Variants in TMTC2 observed in about 807,000 individuals in gnomAD.
TMTC2 encodes protein O-mannosyl-transferase TMTC2.
Under a neutral mutation model 82.4 loss-of-function variants are expected in TMTC2, and 43 were observed. The ratio of observed to expected loss-of-function variants is 0.52; its 90% CI spans 0.41 to 0.67. The LOEUF (loss-of-function observed/expected upper bound fraction) is 0.67, where lower values mean the gene tolerates loss of function less well. Ranked by LOEUF, TMTC2 falls within the 30% of genes least tolerant of loss-of-function variation. The pLI is 0.00. For missense variants in TMTC2, 919 were observed against 1,012.4 expected (o/e 0.91, Z 1.25); for synonymous variants, 408 against 381.9 (o/e 1.07, Z -0.80).
chr12:82,743,233 G>A (rs979702754), intron 1 of TMTC2, among the ~76,000 whole-genome samples: 1 of 152,122 alleles, frequency 6.6e-6, no homozygotes, highest in Non-Finnish European at 1.5e-5. Context: ...ACGAGGTCAG[G>A]AGTTCAAGAC....
chr12:83,076,032 G>A (rs893153915), intron 11 of TMTC2, among the ~76,000 whole-genome samples: 12 of 152,202 alleles, frequency 7.9e-5, no homozygotes, highest in Non-Finnish European at 1.5e-5. Context: ...GACAAGGATA[G>A]TGAATACAAC....
chr12:82,842,706 T>C (rs1870407563), intron 1 of TMTC2, among the ~76,000 whole-genome samples: 1 of 152,178 alleles, frequency 6.6e-6, no homozygotes, highest in African/African-American at 2.4e-5. Context: ...GATCATGGTG[T>C]CAGCAGGTTT....
At chr12:82,983,513 GAAAT>G (rs1879020417) in intron 7 of TMTC2, among the ~76,000 whole-genome samples, 2 of 151,898 alleles carry the variant, frequency 1.3e-5, no homozygotes, top group Non-Finnish European at 2.9e-5. Context: ...TATACTTTCT[GAAAT>G]AAATTTTAAA....
chr12:82,779,137 A>G (rs1877762537), intron 1 of TMTC2, among the ~76,000 whole-genome samples: 1 of 151,968 alleles, frequency 6.6e-6, no homozygotes, highest in Non-Finnish European at 1.5e-5. Flanking sequence ...CAGACAGAGC[A>G]TAATATATGC....
At chr12:82,929,139 A>T (rs1345034761) in intron 3 of TMTC2, among the ~76,000 whole-genome samples, 1 of 151,954 alleles carries the variant, frequency 6.6e-6, no homozygotes, top group African/African-American at 2.4e-5. Context: ...CGGTGGCGTG[A>T]TCATGGCTCA....
intron 1 of TMTC2, among the ~76,000 whole-genome samples, chr12:82,720,961 T>G (rs1874180557): frequency 6.6e-6 from 1 of 152,222 alleles, no homozygotes; most frequent in Non-Finnish European, 1.5e-5. Context: ...ATGTCACAGA[T>G]GTTTCTCACC....
chr12:82,765,902 T>C (rs7303114), intron 1 of TMTC2, among the ~76,000 whole-genome samples: 5,049 of 152,226 alleles, frequency 0.033, 270 homozygotes, highest in African/African-American at 0.11. Context: ...AGAGTTTTCA[T>C]TGGAAACACT....
intron 4 of TMTC2, among the ~76,000 whole-genome samples, chr12:82,937,740 G>GGA (rs768544657): frequency 0.48 from 38,327 of 80,312 alleles, 7,235 homozygotes; most frequent in South Asian, 0.67. Flanking sequence ...ATGTGTGTGT[G>GGA]TGTGTGTGTG....
intron 2 of TMTC2, among the ~76,000 whole-genome samples, chr12:82,887,038 T>C (rs542877682): frequency 4.2e-4 from 64 of 152,306 alleles, no homozygotes; most frequent in African/African-American, 1.5e-3. Flanking sequence ...CTTTTCTCTG[T>C]CTTATAACTT....
At chr12:82,903,533 T>A (rs1874135634) in intron 3 of TMTC2, among the ~76,000 whole-genome samples, 1 of 152,114 alleles carries the variant, frequency 6.6e-6, no homozygotes. Context: ...TGCCTCAGCC[T>A]CCCGAGTAGC....
At chr12:82,828,229 T>G (rs536370273) in intron 1 of TMTC2, among the ~76,000 whole-genome samples, 1 of 149,310 alleles carries the variant, frequency 6.7e-6, no homozygotes, top group East Asian at 1.9e-4. Context: ...TTTTTTTTTT[T>G]TTCTGAGGCA....
chr12:82,839,008 A>T (rs1870197390), intron 1 of TMTC2, among the ~76,000 whole-genome samples: 1 of 152,118 alleles, frequency 6.6e-6, no homozygotes, highest in Non-Finnish European at 1.5e-5. Context: ...AAGAAAGGTG[A>T]TTCTGTTACT....
At chr12:82,823,621 A>G (rs1869238641) in intron 1 of TMTC2, among the ~76,000 whole-genome samples, 1 of 152,244 alleles carries the variant, frequency 6.6e-6, no homozygotes, top group East Asian at 1.9e-4. Flanking sequence ...GTAAAAATCT[A>G]CAGTTAGGGA....
intron 9 of TMTC2, among the ~76,000 whole-genome samples, chr12:83,031,929 T>G (rs1307848104): frequency 6.6e-6 from 1 of 152,178 alleles, no homozygotes; most frequent in Non-Finnish European, 1.5e-5. Context: ...AACTCCTGAT[T>G]TTGTTTCACA....
intron 3 of TMTC2, among the ~76,000 whole-genome samples, chr12:82,901,477 G>A (rs892252097): frequency 4.6e-5 from 7 of 150,952 alleles, no homozygotes; most frequent in African/African-American, 9.7e-5. Context: ...GCTAATTTTT[G>A]TATTTTTAGT....
intron 1 of TMTC2, among the ~76,000 whole-genome samples, chr12:82,772,292 A>G (rs1426046547): frequency 1.3e-5 from 2 of 152,220 alleles, no homozygotes; most frequent in African/African-American, 4.8e-5. Flanking sequence ...GTGGCATACC[A>G]GAAGAAAAGG....
intron 11 of TMTC2, among the ~76,000 whole-genome samples, chr12:83,070,311 T>C (rs1353554401): frequency 6.6e-6 from 1 of 152,198 alleles, no homozygotes; most frequent in Non-Finnish European, 1.5e-5. Context: ...ATTCTACCCA[T>C]CCATGAGCAT....
chr12:82,942,114 C>A (rs1477009891), intron 4 of TMTC2, among the ~76,000 whole-genome samples: 1 of 152,086 alleles, frequency 6.6e-6, no homozygotes, highest in African/African-American at 2.4e-5. Context: ...TTCTTCCTAC[C>A]AAACCTTGGA....
intron 1 of TMTC2, among the ~76,000 whole-genome samples, chr12:82,713,498 C>G (rs1442141379): frequency 6.6e-6 from 1 of 152,150 alleles, no homozygotes; most frequent in Admixed American, 6.5e-5. Flanking sequence ...GGAAGCCTCA[C>G]AATCATGGCA....
Sources: gnomAD v4.1 joint callset for allele counts (sites outside exome capture counted in the v4.1 genomes callset) on GRCh38, gnomAD v4.1.1 for gene constraint, MANE v1.5 for transcripts, NCBI Gene and HGNC (gene_info 2026-07-23, HGNC 2026-07-21) for gene names.